Variants in HECW2 observed in about 807,000 individuals in gnomAD.
HECW2 encodes HECT, C2 and WW domain containing E3 ubiquitin protein ligase 2, also known as E3 ubiquitin-protein ligase HECW2.
In HECW2, 61 loss-of-function variants were observed where a neutral mutation model predicts 175.2. The ratio of observed to expected loss-of-function variants is 0.35; its 90% CI spans 0.28 to 0.43. The LOEUF (loss-of-function observed/expected upper bound fraction) is 0.43. HECW2 is among the 20% of genes least tolerant of loss of function. The pLI is 1.00. For synonymous variants in HECW2, 671 were observed against 731.0 expected, an observed-to-expected ratio of 0.92 and a Z score of 1.32; for missense variants, 1,524 against 2,000.5, an observed-to-expected ratio of 0.76 and a Z score of 4.54.
At chr2:196,334,375 A>G (rs771928583) in intron 4 of HECW2, 49 bp downstream of exon 4, 2 of 1,395,106 alleles carry the variant, frequency 1.4e-6, no homozygotes, top group South Asian at 2.4e-5. Flanking sequence ...AATAGAAATC[A>G]AGACCCAGCA....
At chr2:196,450,791 GT>G (rs2125307001) in intron 1 of HECW2, among the ~76,000 whole-genome samples, 1 of 152,028 alleles carries the variant, frequency 6.6e-6, no homozygotes, top group South Asian at 2.1e-4. Flanking sequence ...CAAATATCAG[GT>G]TTTTAACATG....
At chr2:196,512,574 T>C (rs1687990525) in intron 1 of HECW2, among the ~76,000 whole-genome samples, 2 of 152,042 alleles carry the variant, frequency 1.3e-5, no homozygotes, top group Non-Finnish European at 2.9e-5. Flanking sequence ...TTTGAGGGCA[T>C]AGATGAGGTC....
chr2:196,449,841 A>T (rs534646063), intron 1 of HECW2, among the ~76,000 whole-genome samples: 25 of 152,042 alleles, frequency 1.6e-4, no homozygotes, highest in East Asian at 5.8e-4. Context: ...ATTTTTTTTT[A>T]AATTTATAGA....
chr2:196,228,370 T>C (rs762330823), intron 21 of HECW2, 116 bp from the exon 22 acceptor site: 1 of 913,966 alleles, frequency 1.1e-6, no homozygotes, highest in Non-Finnish European at 1.6e-6. Flanking sequence ...ATTGTCCACA[T>C]GCCAGAGCTG....
At chr2:196,486,637 A>G (rs1687018779) in intron 1 of HECW2, among the ~76,000 whole-genome samples, 1 of 152,184 alleles carries the variant, frequency 6.6e-6, no homozygotes, top group Non-Finnish European at 1.5e-5. Context: ...ACAGGGAATG[A>G]AGCTCCCTTA....
rs1281012747 is a variant in HECW2, at chr2:196,199,759, A to G, written c.*1518T>C. The G allele has an allele frequency of 3.3e-5, 5 of 152,204 alleles. No homozygotes were observed. The highest frequency in any genetic ancestry group is 1.5e-5 in the Non-Finnish European group (1 of 68,018). The allele number at this position is 152,204 out of a possible 1,614,324, so 9.4% of individuals were successfully genotyped here. ...AACAAAGATGTGGAGTAATCCCAAA[A>G]GCAATTAAAATGAAGAATACCTTCT... On this transcript the variant is annotated 3_prime_UTR_variant, in exon 29 of 29. Transcript: ENST00000644978.
intron 1 of HECW2, among the ~76,000 whole-genome samples, chr2:196,539,568 G>A (rs1689140988): frequency 6.6e-6 from 1 of 152,108 alleles, no homozygotes. Context: ...CTGGGAGGCG[G>A]AGCTTGCAGT....
Position 196,195,107 on chromosome 2 carries a change from T to C in HECW2, c.*6170A>G, listed in dbSNP as rs1686644678. The C allele has an allele frequency of 6.6e-6, 1 of 152,220 alleles. No individual in the cohort carries two copies. Among genetic ancestry groups the C allele is most frequent in the South Asian group, 2.1e-4 (1 of 4,834 alleles). 9.4% of individuals were successfully genotyped at this position (152,220 alleles called of 1,614,324 possible). A position where few individuals can be genotyped will look rare whatever the true frequency, so the allele number is the denominator to read the frequency against. On this transcript the variant is annotated 3_prime_UTR_variant, in exon 29 of 29. Coordinates refer to ENST00000644978, the MANE Select transcript of HECW2 (RefSeq NM_001348768.2). ...CCCAAATTTTACTTATGCTATCATA[T>C]AAAGAAAAATAGGTTGTAATTTTAT...
chr2:196,441,747 T>C (rs1696051618), intron 1 of HECW2, among the ~76,000 whole-genome samples: 1 of 152,212 alleles, frequency 6.6e-6, no homozygotes, highest in Non-Finnish European at 1.5e-5. Context: ...ATGCTTAGCT[T>C]ACTCAGCAAG....
At chr2:196,536,675 C>T (rs1689033537) in intron 1 of HECW2, among the ~76,000 whole-genome samples, 1 of 152,168 alleles carries the variant, frequency 6.6e-6, no homozygotes, top group Admixed American at 6.5e-5. Context: ...CTCAAAAAGT[C>T]ACACAGCAAA....
chr2:196,320,343 A>C lies in HECW2; in HGVS notation c.981T>G (p.His327Gln), dbSNP rs1691894907. 3 of 1,594,444 alleles carry C rather than the reference A, an allele frequency of 1.9e-6. No individual in the cohort carries two copies. Among genetic ancestry groups the C allele is most frequent in the Non-Finnish European group, 2.6e-6 (3 of 1,163,208 alleles). ...ACAGATATATTTATATCTCACCTTC[A>C]TGAACAGAAGACGTAACCTCCACTT... Reference protein sequence around the residue: ...QFKVEVTSSVHEDASPEAVGT... With the variant: ...QFKVEVTSSVQEDASPEAVGT... The change falls in exon 8 of 29, where the codon CAT becomes CAG. Residue 327 changes from histidine (H) to glutamine (Q), a missense_variant. His to Gln is a conservative substitution (Grantham distance 24). Around this residue, in one of 11 missense-constraint regions of HECW2, gnomAD observed 604 missense variants for 588.3 expected, o/e 1.03. Coordinates refer to ENST00000644978, the MANE Select transcript of HECW2 (RefSeq NM_001348768.2).
At chr2:196,383,058 G>A (rs1482728375) in intron 2 of HECW2, among the ~76,000 whole-genome samples, 3 of 152,158 alleles carry the variant, frequency 2.0e-5, no homozygotes, top group Admixed American at 6.5e-5. Context: ...GTTCAAGGTA[G>A]GAGAAAGATA....
At chr2:196,269,788 A>C (rs1302299397) in intron 17 of HECW2, among the ~76,000 whole-genome samples, 1 of 152,194 alleles carries the variant, frequency 6.6e-6, no homozygotes, top group Admixed American at 6.5e-5. Context: ...AATGTGATAC[A>C]TTTCATGACT....
intron 2 of HECW2, among the ~76,000 whole-genome samples, chr2:196,363,949 G>T (rs1693674069): frequency 6.6e-6 from 1 of 152,174 alleles, no homozygotes; most frequent in South Asian, 2.1e-4. Context: ...AACAATGTAA[G>T]CCTCTCTGTT....
intron 1 of HECW2, among the ~76,000 whole-genome samples, chr2:196,562,435 T>C (rs1227882615): frequency 6.6e-6 from 1 of 152,230 alleles, no homozygotes; most frequent in Non-Finnish European, 1.5e-5. Flanking sequence ...AGTTATTTAT[T>C]TAAACTGTTT....
intron 19 of HECW2, 69 bp downstream of exon 19, chr2:196,253,851 G>C: frequency 7.1e-7 from 1 of 1,399,470 alleles, no homozygotes; most frequent in Non-Finnish European, 1.0e-6. Context: ...CTGTCTTTAG[G>C]GAGGATAGAA....
chr2:196,573,755 C>T lies in HECW2; in HGVS notation c.-36+19753G>A, dbSNP rs527570292. On this transcript the variant is annotated intron_variant, in intron 1 of 28. Coordinates refer to ENST00000644978, the MANE Select transcript of HECW2 (RefSeq NM_001348768.2). ...AAGAGGCTGGGGAAACAGAACAGTT[C>T]GACAAGAAAAAGAAATAAAAGGCAT... is the stretch of plus-strand genomic sequence containing the variant. 4.9e-4 allele frequency among the ~76,000 whole-genome samples: 74 copies of T among 151,590 alleles called. 1 individual carries two copies. The highest frequency in any genetic ancestry group is 3.6e-3 in the Admixed American group (55 of 15,200).
At chr2:196,458,318 G>T (rs1696595158) in intron 1 of HECW2, among the ~76,000 whole-genome samples, 1 of 151,964 alleles carries the variant, frequency 6.6e-6, no homozygotes, top group Non-Finnish European at 1.5e-5. Flanking sequence ...TCTTTCCTGT[G>T]CACTCTACCA....
At chr2:196,279,087 C>T (rs959645460) in intron 14 of HECW2, among the ~76,000 whole-genome samples, 1 of 151,918 alleles carries the variant, frequency 6.6e-6, no homozygotes, top group African/African-American at 2.4e-5. Flanking sequence ...CTCGCTCTGT[C>T]ACCCAGGCTG....
Sources: gnomAD v4.1 joint callset for allele counts (sites outside exome capture counted in the v4.1 genomes callset) on GRCh38, gnomAD v4.1.1 for gene constraint, gnomAD v4.1.1 regional missense constraint, MANE v1.5 for transcripts, NCBI Gene and HGNC (gene_info 2026-07-23, HGNC 2026-07-21) for gene names.